Variants in TCOF1 observed in about 807,000 individuals in gnomAD.
TCOF1 encodes treacle protein.
In TCOF1, 33 loss-of-function variants were observed where a neutral mutation model predicts 149.0. The ratio of observed to expected loss-of-function variants is 0.22; its 90% CI spans 0.17 to 0.30. The LOEUF (loss-of-function observed/expected upper bound fraction) is 0.30, where lower values mean the gene tolerates loss of function less well. Ranked by LOEUF, TCOF1 falls within the 10% of genes least tolerant of loss-of-function variation. TCOF1 has a pLI of 1.00. For missense variants in TCOF1, 1,728 were observed against 1,840.7 expected (o/e 0.94, Z 1.12); for synonymous variants, 789 against 738.8 (o/e 1.07, Z -1.10).
chr5:150,375,055 G>C lies in TCOF1; in HGVS notation c.1380G>C (p.Gly460=). Residue 460 remains glycine (G), a synonymous_variant, in exon 10 of 27, where the codon GGG becomes GGC. Coordinates refer to ENST00000643257, the MANE Select transcript of TCOF1 (RefSeq NM_001371623.1). ...CCCCAGCACCTCCTAGGAAAACAGG[G>C]CCTGCAGCCGCCCAGGTCCAGGTGG... ...GAAPAPPRKT[G]PAAAQVQVGK... 6.2e-7 allele frequency: 1 copy of C among 1,614,124 alleles called. No individual in the cohort carries two copies. Among genetic ancestry groups the C allele is most frequent in the Non-Finnish European group, 8.5e-7 (1 of 1,180,014 alleles).
chr5:150,371,289 C>T (rs952890430), intron 6 of TCOF1, among the ~76,000 whole-genome samples: 7 of 152,142 alleles, frequency 4.6e-5, no homozygotes, highest in African/African-American at 7.2e-5. Flanking sequence ...TCCGTCCTCA[C>T]CCTTGCGCCC....
Position 150,392,740 on chromosome 5 carries a change from G to A in TCOF1, c.3553G>A (p.Glu1185Lys). 2 of 1,614,090 alleles carry A rather than the reference G, an allele frequency of 1.2e-6. No individual in the cohort carries two copies. The highest frequency in any genetic ancestry group is 1.3e-5 in the African/African-American group (1 of 75,050). Reference protein sequence around the residue: ...PTPSRTETLVEETAAESSEDD... With the variant: ...PTPSRTETLVKETAAESSEDD... ...CCCCTCCAGGACAGAGACCCTGGTG[G>A]AGGAGACCGCAGCAGAGTCCAGCGA... The change falls in exon 22 of 27, where the codon GAG becomes AAG. Residue 1185 changes from glutamate (E) to lysine (K), a missense_variant. Physicochemically the swap from Glu to Lys is moderately conservative, Grantham distance 56. Coordinates refer to ENST00000643257, the MANE Select transcript of TCOF1 (RefSeq NM_001371623.1).
chr5:150,387,423 A>G (rs1454261915), intron 17 of TCOF1, among the ~76,000 whole-genome samples: 1 of 152,232 alleles, frequency 6.6e-6, no homozygotes, highest in African/African-American at 2.4e-5. Flanking sequence ...GGTTGGGGCA[A>G]CTAGACTGTA....
chr5:150,389,926 C>G lies in TCOF1; in HGVS notation c.3086C>G (p.Pro1029Arg). 1 of 1,614,220 alleles carries G rather than the reference C, an allele frequency of 6.2e-7. No homozygotes were observed. The highest frequency in any genetic ancestry group is 8.5e-7 in the Non-Finnish European group (1 of 1,180,044). The change falls in exon 19 of 27, where the codon CCA becomes CGA. Residue 1029 changes from proline (P) to arginine (R), a missense_variant. Physicochemically the swap from Pro to Arg is moderately radical, Grantham distance 103. This residue lies in a region of TCOF1 where 1,696 missense variants were observed against 1,765.4 expected (regional missense o/e 0.96). Transcript: ENST00000643257. ...TNVVTMPTAHPRIAPKASMAG... is the reference protein window; with the variant it reads ...TNVVTMPTAHRRIAPKASMAG... ...GTGGTGACCATGCCCACTGCCCACCCAAGAATAGCCCCCAAAGCCAGCATG... is the reference window on the plus strand; with the variant it reads ...GTGGTGACCATGCCCACTGCCCACCGAAGAATAGCCCCCAAAGCCAGCATG...
intron 17 of TCOF1, among the ~76,000 whole-genome samples, chr5:150,381,409 G>A (rs943384938): frequency 3.9e-5 from 6 of 152,214 alleles, no homozygotes; most frequent in African/African-American, 1.4e-4. Context: ...TGCTAGTGGT[G>A]CTGACAGCTG....
At chr5:150,382,930 C>A in intron 17 of TCOF1, 1 of 659,364 alleles carries the variant, frequency 1.5e-6, no homozygotes, top group Non-Finnish European at 2.6e-6. Flanking sequence ...TATCCCTGTG[C>A]ATGTGCAGGA....
In TCOF1 at chr5:150,376,689, G is replaced by A. The variant is rs1763883643; in HGVS notation, c.2340+69G>A. 3 of 1,497,668 alleles carry A rather than the reference G, an allele frequency of 2.0e-6. No homozygotes were observed. In the South Asian group the frequency reaches 3.6e-5, roughly 18 times the overall value. 92.8% of individuals were successfully genotyped at this position (1,497,668 alleles called of 1,614,324 possible). ...CTGAGCCAGGGCTGAGGATGGGCTT[G>A]ACTGGGGGCTAGTGTTGCCTGCAGG... On this transcript the variant is annotated intron_variant, in intron 14 of 26. Coordinates refer to ENST00000643257, the MANE Select transcript of TCOF1 (RefSeq NM_001371623.1).
At chr5:150,373,562 G>A (rs559534847) in intron 7 of TCOF1, among the ~76,000 whole-genome samples, 1 of 152,236 alleles carries the variant, frequency 6.6e-6, no homozygotes, top group South Asian at 2.1e-4. Context: ...AAAGCCCCAA[G>A]ACAGTGCAGA....
At position 150,397,864 on chromosome 5, in the gene TCOF1, C is replaced by T. The variant is rs138651078; in HGVS notation, c.4346-490C>T. Among the ~76,000 whole-genome samples, 101 of 152,316 alleles carry T rather than the reference C, an allele frequency of 6.6e-4. 1 individual carries two copies. The highest frequency in any genetic ancestry group is 2.3e-3 in the African/African-American group (97 of 41,572). ...CCATGGATGGGACAGAAATCATGAG[C>T]TGGCCTCCAGGGGGCAGGTGAACTG... On this transcript the variant is annotated intron_variant, in intron 24 of 26. Coordinates refer to ENST00000643257, the MANE Select transcript of TCOF1 (RefSeq NM_001371623.1).
At chr5:150,399,724 C>T (rs942999743) in intron 26 of TCOF1, 86 bp from the exon 27 acceptor site, 1 of 154,238 alleles carries the variant, frequency 6.5e-6, no homozygotes, top group African/African-American at 2.4e-5. Context: ...ATGCCTCCCC[C>T]CTGCATTGGA....
At chr5:150,363,409 G>A (rs754519880) in intron 2 of TCOF1, among the ~76,000 whole-genome samples, 23 of 152,192 alleles carry the variant, frequency 1.5e-4, no homozygotes, top group African/African-American at 3.4e-4. Context: ...GTCAATGGGC[G>A]TGAGACTTCA....
chr5:150,368,655 G>A, intron 4 of TCOF1, 61 bp from the exon 5 acceptor site: 2 of 1,595,902 alleles, frequency 1.3e-6, no homozygotes, highest in Non-Finnish European at 1.7e-6. Context: ...AGATGCAAGT[G>A]GCCTGTGCTC....
chr5:150,374,412 T>G, intron 8 of TCOF1, 26 bp downstream of exon 8: 5 of 1,551,144 alleles, frequency 3.2e-6, no homozygotes, highest in Non-Finnish European at 4.4e-6. Flanking sequence ...GGAGACTCCA[T>G]GCAGCCAGGC....
Position 150,375,426 on chromosome 5 carries a change from C to T in TCOF1, c.1576C>T (p.Pro526Ser). The change falls in exon 11 of 27, where the codon CCC becomes TCC. Residue 526 changes from proline to serine, a missense_variant. Coordinates refer to ENST00000643257, the MANE Select transcript of TCOF1 (RefSeq NM_001371623.1). ...PLGKGAGPVP[P>S]GKVGPATPSA... ...GGGGAAAGGCGCCGGCCCAGTGCCA[C>T]CCGGGAAGGTGGGGCCTGCAACCCC... The T allele has an allele frequency of 1.9e-6, 3 of 1,613,538 alleles. No individual in the cohort carries two copies. Among genetic ancestry groups the T allele is most frequent in the Non-Finnish European group, 1.7e-6 (2 of 1,179,840 alleles).
chr5:150,384,042 C>T, intron 17 of TCOF1: 1 of 1,359,478 alleles, frequency 7.4e-7, no homozygotes, highest in African/African-American at 1.5e-5. Flanking sequence ...ACCAGCTCCC[C>T]TGTCCCAGGG....
chr5:150,371,938 C>T, intron 6 of TCOF1, 68 bp from the exon 7 acceptor site: 3 of 1,414,930 alleles, frequency 2.1e-6, no homozygotes, highest in Non-Finnish European at 3.0e-6. Flanking sequence ...TGCTGAAGCC[C>T]CTAATACAGA....
intron 6 of TCOF1, 44 bp downstream of exon 6, chr5:150,369,646 A>G (rs1284194372): frequency 6.2e-7 from 1 of 1,607,010 alleles, no homozygotes; most frequent in Non-Finnish European, 8.5e-7. Context: ...CCCAGCCTCT[A>G]ACCCTTCCAG....
At chr5:150,398,953 G>A in intron 25 of TCOF1, 69 bp from the exon 26 acceptor site, 1 of 1,611,346 alleles carries the variant, frequency 6.2e-7, no homozygotes, top group Non-Finnish European at 8.5e-7. Context: ...TAGTCCTCAG[G>A]AGGTGGGGGC....
At chr5:150,367,617 A>G (rs1410494876) in intron 3 of TCOF1, 5 of 568,000 alleles carry the variant, frequency 8.8e-6, no homozygotes, top group Non-Finnish European at 1.6e-5. Context: ...TCCATCAAGG[A>G]TGCAGACACA....
Sources: allele counts gnomAD v4.1 joint callset (sites outside exome capture counted in the v4.1 genomes callset), GRCh38; gene constraint gnomAD v4.1.1; regional missense constraint gnomAD v4.1.1; transcripts MANE v1.5; gene names NCBI Gene and HGNC (gene_info 2026-07-23, HGNC 2026-07-21).